Variants in MYO7A observed in about 807,000 individuals in gnomAD.
MYO7A encodes unconventional myosin-VIIa.
A neutral mutation model predicts 263.8 loss-of-function variants in MYO7A; 210 were observed. The observed-to-expected ratio is 0.80, with a 90% CI of 0.71 to 0.89. MYO7A has a LOEUF of 0.89. MYO7A is among the 40% of genes least tolerant of loss of function. The pLI is 0.00. For missense variants in MYO7A, 2,820 were observed against 2,968.3 expected, an observed-to-expected ratio of 0.95 and a Z score of 1.16; for synonymous variants, 1,239 against 1,197.3, an observed-to-expected ratio of 1.03 and a Z score of -0.72.
At chr11:77,181,828 A>G in intron 23 of MYO7A, 123 bp from the exon 24 acceptor site, 1 of 753,338 alleles carries the variant, frequency 1.3e-6, no homozygotes, top group Non-Finnish European at 2.1e-6. Flanking sequence ...CCTGTTGCTC[A>G]GGCTGGAGTG....
In MYO7A at chr11:77,193,085, TGTGATGGTGGAGGTAGTGATGCTGTTG is replaced by T. The variant is rs1565443746; in HGVS notation, c.4152+824_4152+850del. Among the ~76,000 whole-genome samples the T allele has an allele frequency of 4.2e-4, 18 of 42,780 alleles. 2 individuals are homozygous for T. The highest frequency in any genetic ancestry group is 3.5e-3 in the South Asian group (6 of 1,716). 28.1% of individuals were successfully genotyped at this position (42,780 alleles called of 152,430 possible). On this transcript the variant is annotated intron_variant, in intron 31 of 48. Coordinates refer to ENST00000409709, the MANE Select transcript of MYO7A (RefSeq NM_000260.4). ...GTTGGTGATGGTGGAGGTAGTTGTTTGTGATGGTGGAGGTAGTGATGCTGTTGGTGATGGTGGAGGTAGCGATGCTGT... is the reference window on the plus strand; with the variant it reads ...GTTGGTGATGGTGGAGGTAGTTGTTTGTGATGGTGGAGGTAGCGATGCTGT...
rs1555061461 is a variant in MYO7A at position 77,155,934 on chromosome 11, G to A, written c.313G>A (p.Val105Met). 3 of 1,609,506 alleles carry A rather than the reference G, an allele frequency of 1.9e-6. No individual in the cohort carries two copies. Among genetic ancestry groups the A allele is most frequent in the South Asian group, 2.2e-5 (2 of 90,132 alleles). The change falls in exon 5 of 49, where the codon GTG (valine) becomes ATG (methionine). Residue 105 changes from valine to methionine, a missense_variant. Transcript: ENST00000409709. ...YTYTGSILVA[V>M]NPYQLLSIYS... ...GTATACGGGCTCCATCCTGGTGGCT[G>A]TGAACCCCTACCAGCTGCTCTCCAT...
chr11:77,200,608 A>T (rs779959353), intron 35 of MYO7A, among the ~76,000 whole-genome samples: 6 of 152,252 alleles, frequency 3.9e-5, no homozygotes, highest in African/African-American at 7.2e-5. Context: ...ACCATATCAC[A>T]GACCATGCCC....
At chr11:77,162,460 C>A in intron 13 of MYO7A, 130 bp downstream of exon 13, 2 of 899,838 alleles carry the variant, frequency 2.2e-6, no homozygotes, top group Non-Finnish European at 3.4e-6. Context: ...GCTCAGGGGC[C>A]AATTCAAGTA....
chr11:77,148,510 G>A (rs1555055407), intron 4 of MYO7A, among the ~76,000 whole-genome samples: 1 of 152,158 alleles, frequency 6.6e-6, no homozygotes, highest in Non-Finnish European at 1.5e-5. Context: ...GTCTGCCCCA[G>A]CCAGGACAGA....
intron 19 of MYO7A, 79 bp from the exon 20 acceptor site, chr11:77,178,966 G>C (rs571443997): frequency 1.3e-4 from 152 of 1,129,116 alleles, no homozygotes; most frequent in Admixed American, 3.8e-4. Context: ...GGGACTCAGC[G>C]TGCCCTCCTG....
At chr11:77,154,154 T>C (rs1303926537) in intron 4 of MYO7A, among the ~76,000 whole-genome samples, 1 of 152,198 alleles carries the variant, frequency 6.6e-6, no homozygotes, top group Non-Finnish European at 1.5e-5. Context: ...ATCAGGCGCC[T>C]GGCAAAGGTT....
intron 4 of MYO7A, 34 bp downstream of exon 4, chr11:77,147,984 C>T: frequency 6.7e-7 from 1 of 1,492,714 alleles, no homozygotes; most frequent in Non-Finnish European, 8.9e-7. Context: ...CCGTCCAGGC[C>T]CCCTCAGGCC....
At position 77,204,203 on chromosome 11, in the gene MYO7A, G is replaced by C; in HGVS notation, c.5454G>C (p.Leu1818=). Residue 1818 remains leucine, a synonymous_variant, in exon 39 of 49, where the codon CTG becomes CTC. Transcript: ENST00000409709. ...PLKDEAYVQI[L]KQLTDNHIRY... is the part of the protein sequence containing the mutation. Reference sequence around the variant, plus strand: ...AGGACGAGGCATATGTGCAGATCCTGAAGCAGCTGACCGACAACCACATCA... The same window carrying C: ...AGGACGAGGCATATGTGCAGATCCTCAAGCAGCTGACCGACAACCACATCA... 6.3e-7 allele frequency: 1 copy of C among 1,579,894 alleles called. No homozygotes were observed. Among genetic ancestry groups the C allele is most frequent in the Non-Finnish European group, 8.6e-7 (1 of 1,163,280 alleles).
chr11:77,161,640 A>C (rs1420380131), intron 12 of MYO7A, among the ~76,000 whole-genome samples: 2 of 152,134 alleles, frequency 1.3e-5, no homozygotes, highest in African/African-American at 4.8e-5. Context: ...CAAAACACCC[A>C]CACTCAACAT....
rs377391891 is a variant in MYO7A, at chr11:77,194,423, C to T, written c.4222C>T (p.Arg1408Cys). 1.7e-5 allele frequency: 28 copies of T among 1,612,056 alleles called. No homozygotes were observed. Among genetic ancestry groups the T allele is most frequent in the African/African-American group, 5.3e-5 (4 of 74,906 alleles). Residue 1408 changes from arginine (R) to cysteine (C), a missense_variant, in exon 32 of 49, where the codon CGC becomes TGC. Arg to Cys is a radical substitution (Grantham distance 180). Transcript: ENST00000409709. ...VDYGSEMILE[R>C]LLNLVPTYIP... is the part of the protein sequence containing the mutation. ...CTATGGCTCTGAGATGATCCTGGAG[C>T]GCCTCCTGAACCTCGTGCCCACCTA...
Position 77,138,976 on chromosome 11 carries a change from GAGGA to G in MYO7A, c.19-3726_19-3723del, listed in dbSNP as rs782524208. ...GGGACTGGCCCCAGGCCTGGTCCCA[GAGGA>G]AGGAAGAGGCAGAAAGGGCTAAGGC... On this transcript the variant is annotated intron_variant, in intron 2 of 48. Transcript: ENST00000409709. This position sits in a 1 kb window ranked among gnomAD's most constrained non-coding sequence, Gnocchi z 4.9. Among the ~76,000 whole-genome samples, 154 of 152,258 alleles carry G rather than the reference GAGGA, an allele frequency of 1.0e-3. No individual in the cohort carries two copies. The highest frequency in any genetic ancestry group is 3.3e-3 in the Admixed American group (50 of 15,292).
chr11:77,173,198 G>A (rs567054437), intron 16 of MYO7A, among the ~76,000 whole-genome samples: 13 of 152,330 alleles, frequency 8.5e-5, no homozygotes, highest in Admixed American at 2.6e-4. Context: ...GGGACTGACC[G>A]TATCTACCTC....
At chr11:77,202,638 C>A (rs1957146076) in intron 37 of MYO7A, among the ~76,000 whole-genome samples, 1 of 152,118 alleles carries the variant, frequency 6.6e-6, no homozygotes, top group South Asian at 2.1e-4. Flanking sequence ...ACTGCACCCA[C>A]CCCAGGCTGG....
rs782441263 is a variant in MYO7A at position 77,147,953 on chromosome 11, G to A, written c.285+3G>A. 9 of 1,542,780 alleles carry A rather than the reference G, an allele frequency of 5.8e-6. No homozygotes were observed. The South Asian group carries it at 9.6e-5, about 16-fold the overall frequency. ...GCTACCGGGACCACCTCATCTACGTGAGTGCCGCCCCGCCCGGTGCCCGTC... is the reference window on the plus strand; with the variant it reads ...GCTACCGGGACCACCTCATCTACGTAAGTGCCGCCCCGCCCGGTGCCCGTC... On this transcript the variant is annotated splice_donor_region_variant and intron_variant, in intron 4 of 48. Coordinates refer to ENST00000409709, the MANE Select transcript of MYO7A (RefSeq NM_000260.4).
chr11:77,212,001 T>C (rs770429039), intron 46 of MYO7A, 64 bp downstream of exon 46: 1 of 1,330,020 alleles, frequency 7.5e-7, no homozygotes, highest in Non-Finnish European at 1.1e-6. Flanking sequence ...GCACAGAGAC[T>C]CCTCCCTAGG....
rs1954581657 is a variant in MYO7A at position 77,175,603 on chromosome 11, G to A, written c.2187+139G>A. ...GGGCTGTGGTGTGGCTGGAGGAGCA[G>A]GTGGGATCTGGCCTCTCTGGTGGGG... On this transcript the variant is annotated intron_variant, in intron 18 of 48. Coordinates refer to ENST00000409709, the MANE Select transcript of MYO7A (RefSeq NM_000260.4). 1.7e-5 allele frequency: 14 copies of A among 812,476 alleles called. No individual in the cohort carries two copies. The East Asian group carries it at 3.3e-4, about 19-fold the overall frequency. 50.3% of individuals were successfully genotyped at this position (812,476 alleles called of 1,614,324 possible). A position where few individuals can be genotyped will look rare whatever the true frequency, so the allele number is the denominator to read the frequency against.
In MYO7A at chr11:77,130,604, A is replaced by G; in HGVS notation, c.-31A>G. 3.1e-6 allele frequency: 5 copies of G among 1,612,440 alleles called. No homozygotes were observed. Among genetic ancestry groups the G allele is most frequent in the Non-Finnish European group, 4.2e-6 (5 of 1,179,328 alleles). ...CTCCCTGCAGAACTGTGCCTGGCCC[A>G]GTGGGCAGCAGGAGCTCCTGACTTG... On this transcript the variant is annotated 5_prime_UTR_variant, in exon 2 of 49. Transcript: ENST00000409709.
chr11:77,163,814 T>C (rs1179500499), intron 14 of MYO7A, among the ~76,000 whole-genome samples: 2 of 91,218 alleles, frequency 2.2e-5, no homozygotes, highest in African/African-American at 9.1e-5. Context: ...TGTTTATCCA[T>C]TTATCTGCTA....
Sources: gnomAD v4.1 joint callset for allele counts (sites outside exome capture counted in the v4.1 genomes callset) on GRCh38, gnomAD v4.1.1 for gene constraint, Gnocchi (gnomAD v3.1) non-coding constraint, MANE v1.5 for transcripts, NCBI Gene and HGNC (gene_info 2026-07-23, HGNC 2026-07-21) for gene names.